The following SLCO5A1 variants were observed in gnomAD, a reference collection of about 807,000 sequenced individuals.
The protein encoded by SLCO5A1 is solute carrier organic anion transporter family member 5A1, also known as organic anion transporter polypeptide-related protein 4.
A neutral mutation model predicts 65.1 loss-of-function variants in SLCO5A1; 39 were observed. The observed-to-expected ratio is 0.60, with a 90% CI of 0.46 to 0.78. The LOEUF is 0.78. Among genes scored for constraint, SLCO5A1 ranks in the 30% least tolerant of loss-of-function variants. The pLI, the probability that SLCO5A1 is intolerant of heterozygous loss-of-function variation, is 0.00. For synonymous variants in SLCO5A1, 438 were observed against 415.7 expected (o/e 1.05, Z -0.65); for missense variants, 1,029 against 1,069.4 (o/e 0.96, Z 0.53).
At chr8:69,710,987 T>C (rs1586711934) in intron 5 of SLCO5A1, among the ~76,000 whole-genome samples, 1 of 146,926 alleles carries the variant, frequency 6.8e-6, no homozygotes, top group East Asian at 2.0e-4. Flanking sequence ...AGGGATGGGG[T>C]CGGACAGTTC....
chr8:69,695,670 G>A (rs1814468536), intron 6 of SLCO5A1, among the ~76,000 whole-genome samples: 1 of 151,878 alleles, frequency 6.6e-6, no homozygotes, highest in South Asian at 2.1e-4. Flanking sequence ...AGGAGAGATT[G>A]ACATTATCAC....
chr8:69,714,073 CTA>C (rs1291030744), intron 5 of SLCO5A1, among the ~76,000 whole-genome samples: 2 of 152,234 alleles, frequency 1.3e-5, no homozygotes, highest in East Asian at 3.8e-4. Context: ...TTCTCACAAA[CTA>C]TAAATGACTC....
chr8:69,737,911 C>CT, intron 5 of SLCO5A1, 129 bp downstream of exon 5: 1 of 924,708 alleles, frequency 1.1e-6, no homozygotes, highest in African/African-American at 1.7e-5. Context: ...CTCCTAAAAT[C>CT]TGGGGGGAAA....
chr8:69,779,203 T>C (rs185182874), intron 2 of SLCO5A1, among the ~76,000 whole-genome samples: 1 of 152,268 alleles, frequency 6.6e-6, no homozygotes. Context: ...ATCAGCAAAA[T>C]GTTTGCATAC....
rs1422893799 is a variant in SLCO5A1 at position 69,671,083 on chromosome 8, G to A, written c.*1786C>T. On this transcript the variant is annotated 3_prime_UTR_variant, in exon 10 of 10. Transcript: ENST00000260126. ...GAATCCTCACCTCCCCGAGAGCCAA[G>A]CCCAGGAACCAGAGGGAAGTCCTTA... The A allele has an allele frequency of 2.0e-5, 3 of 152,240 alleles. No individual in the cohort carries two copies. Among genetic ancestry groups the A allele is most frequent in the Non-Finnish European group, 4.4e-5 (3 of 68,132 alleles). The allele number at this position is 152,240 out of a possible 1,614,324, so 9.4% of individuals were successfully genotyped here. A position where few individuals can be genotyped will look rare whatever the true frequency, so the allele number is the denominator to read the frequency against.
chr8:69,749,030 G>A (rs1161132196), intron 4 of SLCO5A1, among the ~76,000 whole-genome samples: 1 of 152,178 alleles, frequency 6.6e-6, no homozygotes, highest in Non-Finnish European at 1.5e-5. Context: ...GTGCTATTTA[G>A]CAAAGGCAGT....
chr8:69,773,383 T>G (rs914843791), intron 2 of SLCO5A1, among the ~76,000 whole-genome samples: 1 of 152,200 alleles, frequency 6.6e-6, no homozygotes, highest in Non-Finnish European at 1.5e-5. Flanking sequence ...GCATCTAGAA[T>G]GGGGAGTCCA....
chr8:69,771,587 ACTCTT>A (rs1272176481), intron 2 of SLCO5A1, among the ~76,000 whole-genome samples: 3 of 151,654 alleles, frequency 2.0e-5, no homozygotes, highest in African/African-American at 7.3e-5. Flanking sequence ...TGTTTATCTT[ACTCTT>A]CTCTTATGTG....
intron 2 of SLCO5A1, among the ~76,000 whole-genome samples, chr8:69,777,928 A>G (rs909908668): frequency 7.2e-5 from 11 of 152,212 alleles, no homozygotes; most frequent in African/African-American, 2.7e-4. Flanking sequence ...CAGACATTTT[A>G]TAATCTCACA....
rs1486461319 is a variant in SLCO5A1, at chr8:69,704,906, C to A, written c.1622+125G>T. 7 of 875,642 alleles carry A rather than the reference C, an allele frequency of 8.0e-6. No individual in the cohort carries two copies. In the East Asian group the frequency reaches 1.5e-4, roughly 18 times the overall value. The allele number at this position is 875,642 out of a possible 1,614,324, so 54.2% of individuals were successfully genotyped here. On this transcript the variant is annotated intron_variant, in intron 6 of 9. Coordinates refer to ENST00000260126, the MANE Select transcript of SLCO5A1 (RefSeq NM_030958.3). ...ATGCTCCACTTGGAGAGGCAGAGCA[C>A]ACAGAGCACACACAGGGAGAACAGC...
chr8:69,802,479 T>A (rs1819784048), intron 2 of SLCO5A1, among the ~76,000 whole-genome samples: 1 of 149,532 alleles, frequency 6.7e-6, no homozygotes, highest in Admixed American at 6.7e-5. Context: ...GCTTGCTCTG[T>A]AGCCTGAGCA....
intron 2 of SLCO5A1, among the ~76,000 whole-genome samples, chr8:69,773,364 C>A (rs1818419206): frequency 1.3e-5 from 2 of 152,200 alleles, no homozygotes; most frequent in Non-Finnish European, 2.9e-5. Flanking sequence ...CTATTGAGGG[C>A]AGGCTCCAGC....
intron 4 of SLCO5A1, among the ~76,000 whole-genome samples, chr8:69,745,510 TA>T (rs1816976927): frequency 6.6e-6 from 1 of 152,190 alleles, no homozygotes; most frequent in African/African-American, 2.4e-5. Context: ...AGCAGTTGAC[TA>T]AATTTTATTA....
intron 6 of SLCO5A1, among the ~76,000 whole-genome samples, chr8:69,704,248 G>C (rs1243827112): frequency 1.3e-5 from 2 of 152,110 alleles, no homozygotes; most frequent in African/African-American, 2.4e-5. Context: ...GCAGTCCATT[G>C]GTTACATGTG....
intron 6 of SLCO5A1, among the ~76,000 whole-genome samples, chr8:69,693,924 A>T (rs925483651): frequency 2.0e-5 from 3 of 152,222 alleles, no homozygotes; most frequent in African/African-American, 7.2e-5. Flanking sequence ...AGAAAAGTCA[A>T]ATAATTTGCC....
intron 5 of SLCO5A1, among the ~76,000 whole-genome samples, chr8:69,725,086 A>G (rs1816001333): frequency 2.6e-5 from 4 of 152,212 alleles, no homozygotes; most frequent in Admixed American, 6.5e-5. Flanking sequence ...TTTAATTTTT[A>G]AAACTTCAAA....
At chr8:69,791,380 A>G (rs150710096) in intron 2 of SLCO5A1, among the ~76,000 whole-genome samples, 2 of 152,268 alleles carry the variant, frequency 1.3e-5, no homozygotes, top group Non-Finnish European at 2.9e-5. Context: ...AAATGAGTAG[A>G]CACTGTAAAT....
intron 5 of SLCO5A1, among the ~76,000 whole-genome samples, chr8:69,726,707 G>T (rs796150137): frequency 2.0e-5 from 3 of 151,982 alleles, no homozygotes; most frequent in African/African-American, 7.2e-5. Context: ...TGTCATGTTG[G>T]TCAGGCTGGT....
chr8:69,745,509 C>G (rs1010913598), intron 4 of SLCO5A1, among the ~76,000 whole-genome samples: 2 of 151,974 alleles, frequency 1.3e-5, no homozygotes, highest in African/African-American at 4.8e-5. Context: ...AAGCAGTTGA[C>G]TAAATTTTAT....
Sources: gnomAD v4.1 joint callset for allele counts (sites outside exome capture counted in the v4.1 genomes callset) on GRCh38, gnomAD v4.1.1 for gene constraint, MANE v1.5 for transcripts, NCBI Gene and HGNC (gene_info 2026-07-23, HGNC 2026-07-21) for gene names.